The following DENND1A variants were observed in gnomAD, a reference collection of about 807,000 sequenced individuals.
DENND1A encodes the protein DENN domain containing 1A.
In DENND1A, 51 loss-of-function variants were observed where a neutral mutation model predicts 113.7. The ratio of observed to expected loss-of-function variants is 0.45; its 90% confidence interval spans 0.36 to 0.57. DENND1A has a LOEUF of 0.57. DENND1A is among the 20% of genes least tolerant of loss of function. The pLI is 0.00. For missense variants in DENND1A, 1,258 were observed against 1,395.9 expected, an observed-to-expected ratio of 0.90 and a Z score of 1.57; for synonymous variants, 565 against 570.8, an observed-to-expected ratio of 0.99 and a Z score of 0.14.
intron 5 of DENND1A, among the ~76,000 whole-genome samples, chr9:123,719,426 T>A (rs1564131379): frequency 6.6e-6 from 1 of 152,310 alleles, no homozygotes; most frequent in East Asian, 1.9e-4. Context: ...AACTGAACTG[T>A]CCGCCTGGGA....
At chr9:123,710,718 G>A (rs1216045479) in intron 5 of DENND1A, among the ~76,000 whole-genome samples, 1 of 150,982 alleles carries the variant, frequency 6.6e-6, no homozygotes, top group Admixed American at 6.6e-5. Context: ...TGTTGCCCAG[G>A]CTGGAGTGCA....
chr9:123,861,172 G>C (rs546515132), intron 2 of DENND1A, among the ~76,000 whole-genome samples: 28 of 152,186 alleles, frequency 1.8e-4, no homozygotes, highest in African/African-American at 5.8e-4. Flanking sequence ...TCCCATGTAA[G>C]ACCCTGACCA....
At chr9:123,689,180 A>G (rs753514304) in intron 5 of DENND1A, among the ~76,000 whole-genome samples, 4 of 152,070 alleles carry the variant, frequency 2.6e-5, no homozygotes, top group Non-Finnish European at 4.4e-5. Context: ...GCATGCCACC[A>G]TGCCCGGCTA....
At chr9:123,580,857 C>T (rs1419829024) in intron 12 of DENND1A, among the ~76,000 whole-genome samples, 1 of 152,214 alleles carries the variant, frequency 6.6e-6, no homozygotes, top group Non-Finnish European at 1.5e-5. Flanking sequence ...TCATCTCTTG[C>T]TGCCTCAGAG....
chr9:123,861,800 G>C (rs1053203015), intron 2 of DENND1A, among the ~76,000 whole-genome samples: 41 of 152,268 alleles, frequency 2.7e-4, no homozygotes, highest in Non-Finnish European at 4.4e-4. Flanking sequence ...TTGGGAGTGA[G>C]ACTTTTTCTA....
chr9:123,490,235 A>G (rs963447626), intron 13 of DENND1A, among the ~76,000 whole-genome samples: 15 of 152,230 alleles, frequency 9.9e-5, no homozygotes, highest in African/African-American at 3.6e-4. Context: ...GACCCACTAC[A>G]TTCACAGAAG....
intron 21 of DENND1A, among the ~76,000 whole-genome samples, chr9:123,395,359 C>A (rs560341012): frequency 6.6e-6 from 1 of 152,140 alleles, no homozygotes; most frequent in East Asian, 1.9e-4. Context: ...CCTGGGTGGG[C>A]AGAAGTGAGG....
In DENND1A at chr9:123,395,752, G is replaced by A. The variant is rs552663426; in HGVS notation, c.1631+7650C>T. On this transcript the variant is annotated intron_variant, in intron 21 of 23. Coordinates refer to ENST00000394215, the MANE Select transcript of DENND1A (RefSeq NM_001352964.2). ...GATGCACTGGCAGCTTCATACGCACGTCCTAATCACACCTGGCACACAGTA... is the reference window on the plus strand; with the variant it reads ...GATGCACTGGCAGCTTCATACGCACATCCTAATCACACCTGGCACACAGTA... Among the ~76,000 whole-genome samples, 10 of 152,236 alleles carry A rather than the reference G, an allele frequency of 6.6e-5. No homozygotes were observed. In the East Asian group the frequency reaches 7.7e-4, roughly 12 times the overall value.
At chr9:123,690,821 T>A (rs2065144482) in intron 5 of DENND1A, among the ~76,000 whole-genome samples, 1 of 152,168 alleles carries the variant, frequency 6.6e-6, no homozygotes, top group Non-Finnish European at 1.5e-5. Context: ...CTTCTGTGAG[T>A]GAGCTTAGTA....
At chr9:123,574,408 T>C (rs976118218) in intron 12 of DENND1A, among the ~76,000 whole-genome samples, 5 of 152,276 alleles carry the variant, frequency 3.3e-5, no homozygotes, top group Non-Finnish European at 7.4e-5. Context: ...TTAATAGAAA[T>C]AGTGCCATTT....
chr9:123,419,820 G>C (rs117521493), intron 19 of DENND1A, among the ~76,000 whole-genome samples: 2 of 152,216 alleles, frequency 1.3e-5, no homozygotes, highest in Non-Finnish European at 2.9e-5. Context: ...AGCCCCCAGC[G>C]CCCATCGCTG....
intron 9 of DENND1A, among the ~76,000 whole-genome samples, chr9:123,639,063 AAAAGAAAGAAAG>A (rs1272668933): frequency 6.8e-6 from 1 of 146,546 alleles, no homozygotes; most frequent in African/African-American, 2.5e-5. Flanking sequence ...AAAAAAAAAA[AAAAGAAAGAAAG>A]AAAAAAAAAG....
intron 13 of DENND1A, among the ~76,000 whole-genome samples, chr9:123,458,346 A>G (rs1166345645): frequency 6.6e-6 from 1 of 152,164 alleles, no homozygotes; most frequent in Non-Finnish European, 1.5e-5. Flanking sequence ...GAAATAGCTA[A>G]CTATTTCTAA....
intron 13 of DENND1A, among the ~76,000 whole-genome samples, chr9:123,467,755 T>G (rs1055057696): frequency 3.3e-5 from 5 of 152,172 alleles, no homozygotes; most frequent in African/African-American, 1.2e-4. Context: ...CCTGGGGCCC[T>G]GTGTGACTGC....
At chr9:123,811,055 G>A (rs148718440) in intron 2 of DENND1A, among the ~76,000 whole-genome samples, 19 of 152,126 alleles carry the variant, frequency 1.2e-4, no homozygotes, top group African/African-American at 3.4e-4. Flanking sequence ...CACCACGCCC[G>A]GCCAAATCCC....
intron 21 of DENND1A, chr9:123,401,977 T>C (rs924872906): frequency 1.2e-6 from 2 of 1,600,828 alleles, no homozygotes; most frequent in African/African-American, 1.3e-5. Context: ...CCCTGTATCC[T>C]GGTACAGTGT....
At chr9:123,728,507 A>AAAAC (rs2067914668) in intron 5 of DENND1A, among the ~76,000 whole-genome samples, 1 of 146,964 alleles carries the variant, frequency 6.8e-6, no homozygotes, top group African/African-American at 2.6e-5. Flanking sequence ...AAAAAAAAAA[A>AAAAC]AAACAGGCAT....
intron 1 of DENND1A, among the ~76,000 whole-genome samples, chr9:123,925,602 T>G (rs1856958944): frequency 6.6e-6 from 1 of 152,252 alleles, no homozygotes; most frequent in Non-Finnish European, 1.5e-5. Flanking sequence ...GTGTCCCCAG[T>G]ACTTAGCACA....
At chr9:123,500,274 G>A (rs2052356640) in intron 13 of DENND1A, among the ~76,000 whole-genome samples, 1 of 152,180 alleles carries the variant, frequency 6.6e-6, no homozygotes, top group Non-Finnish European at 1.5e-5. Flanking sequence ...ATTCAGAGAA[G>A]ACAGATACAA....
Sources: allele counts gnomAD v4.1 joint callset (sites outside exome capture counted in the v4.1 genomes callset), GRCh38; gene constraint gnomAD v4.1.1; transcripts MANE v1.5; gene names NCBI Gene and HGNC (gene_info 2026-07-23, HGNC 2026-07-21).